Variants in PDE3A observed in about 807,000 individuals in gnomAD.
PDE3A encodes the protein phosphodiesterase 3A, also known as cGMP-inhibited 3',5'-cyclic phosphodiesterase 3A.
In PDE3A, 43 loss-of-function variants were observed where a neutral mutation model predicts 98.3. The observed-to-expected ratio is 0.44, with a 90% CI of 0.34 to 0.56. The LOEUF (loss-of-function observed/expected upper bound fraction) is 0.56. Ranked by LOEUF, PDE3A falls within the 20% of genes least tolerant of loss-of-function variation. PDE3A has a pLI of 0.01. For missense variants in PDE3A, 1,427 were observed against 1,440.7 expected, an observed-to-expected ratio of 0.99 and a Z score of 0.15; for synonymous variants, 663 against 567.9, an observed-to-expected ratio of 1.17 and a Z score of -2.38.
intron 1 of PDE3A, among the ~76,000 whole-genome samples, chr12:20,371,117 G>C (rs1477814616): frequency 6.6e-6 from 1 of 152,212 alleles, no homozygotes; most frequent in Non-Finnish European, 1.5e-5. Flanking sequence ...CCCACAACGT[G>C]GGAGGAGGAG....
chr12:20,489,355 C>A (rs1054671354), intron 1 of PDE3A, among the ~76,000 whole-genome samples: 1 of 152,146 alleles, frequency 6.6e-6, no homozygotes, highest in Admixed American at 6.5e-5. Context: ...TGTCAGGCAG[C>A]CCCTGACAGC....
chr12:20,489,061 A>G (rs1357618399), intron 1 of PDE3A, among the ~76,000 whole-genome samples: 2 of 152,136 alleles, frequency 1.3e-5, no homozygotes, highest in East Asian at 3.9e-4. Context: ...CATAAAAGAG[A>G]TTTCCAAATA....
chr12:20,609,693 C>A (rs181110524), intron 2 of PDE3A, among the ~76,000 whole-genome samples: 1 of 152,072 alleles, frequency 6.6e-6, no homozygotes, highest in African/African-American at 2.4e-5. Flanking sequence ...ACTGGCATAA[C>A]AACAGAAACC....
At chr12:20,489,098 C>G (rs1945783787) in intron 1 of PDE3A, among the ~76,000 whole-genome samples, 1 of 152,196 alleles carries the variant, frequency 6.6e-6, no homozygotes, top group Non-Finnish European at 1.5e-5. Flanking sequence ...GTAACACACT[C>G]TGAATCTGAA....
intron 1 of PDE3A, among the ~76,000 whole-genome samples, chr12:20,505,013 T>C (rs537352362): frequency 8.2e-4 from 125 of 152,244 alleles, no homozygotes; most frequent in Non-Finnish European, 1.4e-3. Flanking sequence ...GGTCTTTTCC[T>C]TGTAATTATA....
chr12:20,639,519 T>C (rs1371768529), intron 9 of PDE3A, among the ~76,000 whole-genome samples: 3 of 152,092 alleles, frequency 2.0e-5, no homozygotes, highest in Admixed American at 2.0e-4. Flanking sequence ...AATATGTATA[T>C]ATTTTTGCCA....
intron 1 of PDE3A, among the ~76,000 whole-genome samples, chr12:20,397,808 A>G (rs1944045422): frequency 1.3e-5 from 2 of 152,150 alleles, no homozygotes; most frequent in Non-Finnish European, 2.9e-5. Context: ...ACTCAGTAAC[A>G]AAGAGAATCA....
At chr12:20,495,129 C>G (rs1945897698) in intron 1 of PDE3A, among the ~76,000 whole-genome samples, 1 of 151,990 alleles carries the variant, frequency 6.6e-6, no homozygotes, top group African/African-American at 2.4e-5. Flanking sequence ...TCTCCTTTGC[C>G]CTAAGTCTGC....
chr12:20,514,181 C>T (rs1484522777), intron 1 of PDE3A, among the ~76,000 whole-genome samples: 1 of 152,130 alleles, frequency 6.6e-6, no homozygotes, highest in Non-Finnish European at 1.5e-5. Context: ...TCAAAATTTG[C>T]AAGGCATAAT....
At chr12:20,522,061 CACAG>C (rs1946439774) in intron 1 of PDE3A, among the ~76,000 whole-genome samples, 1 of 152,150 alleles carries the variant, frequency 6.6e-6, no homozygotes, top group Non-Finnish European at 1.5e-5. Context: ...AGATGTTCCT[CACAG>C]ACAAAGAACA....
chr12:20,411,993 T>C (rs1944342084), intron 1 of PDE3A, among the ~76,000 whole-genome samples: 1 of 152,134 alleles, frequency 6.6e-6, no homozygotes, highest in East Asian at 1.9e-4. Flanking sequence ...TTAATTCCCC[T>C]CAGCCAAAAA....
rs577215644 is a variant in PDE3A, at chr12:20,529,922, C to T, written c.961-26738C>T. On this transcript the variant is annotated intron_variant, in intron 1 of 15. Transcript: ENST00000359062. Reference sequence around the variant, plus strand: ...TAATTCCCAGGTTCAGTGCTCAATGCCTGTCTCTAGAAATAAAACTTTTTA... The same window carrying T: ...TAATTCCCAGGTTCAGTGCTCAATGTCTGTCTCTAGAAATAAAACTTTTTA... Among the ~76,000 whole-genome samples the T allele has an allele frequency of 8.6e-5, 13 of 151,830 alleles. No homozygotes were observed. The East Asian group carries it at 2.3e-3, about 27-fold the overall frequency.
At chr12:20,428,440 C>T (rs1022339249) in intron 1 of PDE3A, among the ~76,000 whole-genome samples, 2 of 151,900 alleles carry the variant, frequency 1.3e-5, no homozygotes, top group African/African-American at 2.4e-5. Flanking sequence ...CCGCCACGCC[C>T]GGCTAATTTT....
intron 2 of PDE3A, among the ~76,000 whole-genome samples, chr12:20,583,959 T>C (rs931032085): frequency 6.6e-6 from 1 of 152,170 alleles, no homozygotes; most frequent in African/African-American, 2.4e-5. Context: ...GAACTAATGC[T>C]GATTGGTGAA....
intron 1 of PDE3A, among the ~76,000 whole-genome samples, chr12:20,494,564 TG>T (rs1945884692): frequency 2.0e-5 from 3 of 151,956 alleles, no homozygotes; most frequent in Admixed American, 2.0e-4. Flanking sequence ...GTCTCTGTGT[TG>T]TGTGTGTGTA....
intron 2 of PDE3A, among the ~76,000 whole-genome samples, chr12:20,574,409 G>A (rs376938521): frequency 8.0e-4 from 122 of 152,200 alleles, no homozygotes; most frequent in African/African-American, 2.8e-3. Flanking sequence ...GTCCACCACT[G>A]AATGTATACG....
At chr12:20,671,827 A>G (rs1305445600) in intron 15 of PDE3A, among the ~76,000 whole-genome samples, 3 of 147,036 alleles carry the variant, frequency 2.0e-5, no homozygotes, top group Admixed American at 6.9e-5. Context: ...CCTATTCAAC[A>G]TAGTGTTGGA....
In PDE3A at chr12:20,494,677, A is replaced by G. The variant is rs181517142; in HGVS notation, c.961-61983A>G. Among the ~76,000 whole-genome samples the G allele has an allele frequency of 2.2e-4, 33 of 152,246 alleles. No homozygotes were observed. The East Asian group carries it at 6.4e-3, about 29-fold the overall frequency. On this transcript the variant is annotated intron_variant, in intron 1 of 15. Transcript: ENST00000359062. Reference sequence around the variant, plus strand: ...TTCAAGTTGACCAAGTGTGAAAACAAGTGACATTTATTTCCTGCTTTCCTA... The same window carrying G: ...TTCAAGTTGACCAAGTGTGAAAACAGGTGACATTTATTTCCTGCTTTCCTA...
chr12:20,451,271 TTTTTTA>T (rs1480802013), intron 1 of PDE3A, among the ~76,000 whole-genome samples: 5 of 152,136 alleles, frequency 3.3e-5, no homozygotes, highest in African/African-American at 1.2e-4. Context: ...TGGTCTTTTA[TTTTTTA>T]TTTTTATTTT....
Sources: allele counts gnomAD v4.1 joint callset (sites outside exome capture counted in the v4.1 genomes callset), GRCh38; gene constraint gnomAD v4.1.1; transcripts MANE v1.5; gene names NCBI Gene and HGNC (gene_info 2026-07-23, HGNC 2026-07-21).